SLC39A10: variants seen among roughly 807,000 people sequenced by gnomAD.
SLC39A10 encodes the protein zinc transporter ZIP10.
SLC39A10 carries 13 observed loss-of-function variants against 65.1 expected under a neutral mutation model. The ratio of observed to expected loss-of-function variants is 0.20; its 90% CI spans 0.13 to 0.32. The LOEUF (loss-of-function observed/expected upper bound fraction) is 0.32. Among genes scored for constraint, SLC39A10 ranks in the 10% least tolerant of loss-of-function variants. The pLI is 1.00. For missense variants in SLC39A10, 831 were observed against 1,018.4 expected (o/e 0.82, Z 2.50); for synonymous variants, 321 against 342.2 (o/e 0.94, Z 0.68).
At chr2:195,652,717 C>T (rs1416373577), upstream of SLC39A10, among the ~76,000 whole-genome samples, 1 of 152,040 alleles carries the variant, frequency 6.6e-6, no homozygotes, top group Non-Finnish European at 1.5e-5. Context: ...TCTCCTGGAT[C>T]AGGGAAGAGA....
At chr2:195,693,390 G>A (rs748829940) in intron 3 of SLC39A10, among the ~76,000 whole-genome samples, 29 of 152,158 alleles carry the variant, frequency 1.9e-4, no homozygotes, top group Non-Finnish European at 2.9e-4. Flanking sequence ...AATAGTGTCC[G>A]TAGGATTGGC....
At chr2:195,634,911 G>A (rs954443334) in intron 2 of SLC39A10, among the ~76,000 whole-genome samples, 4 of 152,102 alleles carry the variant, frequency 2.6e-5, no homozygotes, top group Non-Finnish European at 4.4e-5. Context: ...AGCCAGGCAT[G>A]ATGGTGGGTA....
chr2:195,706,719 T>C lies in SLC39A10; in HGVS notation c.1320T>C (p.Leu440=). Reference sequence around the variant, plus strand: ...ACCAAGGATGCTTCAAATTCCTTCTTACATTCCTTGTTGCATTAGCTGTAG... The same window carrying C: ...ACCAAGGATGCTTCAAATTCCTTCTCACATTCCTTGTTGCATTAGCTGTAG... ...IINQGCFKFL[L]TFLVALAVGT... The change falls in exon 4 of 10, where the codon CTT becomes CTC. Residue 440 remains leucine (L), a synonymous_variant. Transcript: ENST00000359634. 6.2e-7 allele frequency: 1 copy of C among 1,607,044 alleles called. No individual in the cohort carries two copies. Among genetic ancestry groups the C allele is most frequent in the Non-Finnish European group, 8.5e-7 (1 of 1,176,736 alleles).
intron 8 of SLC39A10, among the ~76,000 whole-genome samples, chr2:195,727,030 T>C (rs1438105398): frequency 6.6e-6 from 1 of 152,200 alleles, no homozygotes; most frequent in Non-Finnish European, 1.5e-5. Flanking sequence ...AATACTATTA[T>C]TATCTCTAGC....
At chr2:195,688,117 G>T (rs538980501) in intron 3 of SLC39A10, among the ~76,000 whole-genome samples, 1 of 152,092 alleles carries the variant, frequency 6.6e-6, no homozygotes, top group Non-Finnish European at 1.5e-5. Flanking sequence ...CAGACATTTG[G>T]CGCTTTTTTA....
intron 2 of SLC39A10, among the ~76,000 whole-genome samples, chr2:195,650,086 A>G (rs556727998): frequency 1.3e-5 from 2 of 152,260 alleles, no homozygotes; most frequent in South Asian, 4.1e-4. Flanking sequence ...ATGAAATGCT[A>G]ACTGTGTAAT....
intron 2 of SLC39A10, among the ~76,000 whole-genome samples, chr2:195,634,544 AGAAT>A (rs1374285040): frequency 6.6e-6 from 1 of 152,216 alleles, no homozygotes; most frequent in African/African-American, 2.4e-5. Flanking sequence ...CAGGGAGTTT[AGAAT>A]GTATCAAACT....
intron 2 of SLC39A10, among the ~76,000 whole-genome samples, chr2:195,626,010 C>T (rs1688465204): frequency 1.3e-5 from 2 of 152,218 alleles, no homozygotes; most frequent in South Asian, 4.1e-4. Flanking sequence ...TCTCGAACTC[C>T]TGGGCTTAAA....
intron 9 of SLC39A10, among the ~76,000 whole-genome samples, chr2:195,734,060 G>A (rs997267403): frequency 3.4e-5 from 5 of 148,724 alleles, no homozygotes; most frequent in African/African-American, 1.2e-4. Flanking sequence ...TCTCTTTGCT[G>A]TCATGAGCAG....
intron 8 of SLC39A10, among the ~76,000 whole-genome samples, chr2:195,727,466 T>C (rs772456595): frequency 6.6e-6 from 1 of 152,146 alleles, no homozygotes; most frequent in Non-Finnish European, 1.5e-5. Flanking sequence ...CACGGAAAAG[T>C]GGTAGGAAGA....
chr2:195,618,151 G>T (rs550190565), intron 2 of SLC39A10, among the ~76,000 whole-genome samples: 7 of 152,042 alleles, frequency 4.6e-5, no homozygotes, highest in African/African-American at 1.7e-4. Context: ...AGGGGTTTGA[G>T]ACCAGCCTGG....
Position 195,692,614 on chromosome 2 carries a change from C to T in SLC39A10, c.1216+8708C>T, listed in dbSNP as rs1352596328. ...TTTTATTTGTAGCTATTGTAAAGGG[C>T]GTTGAGTTCTTGATTTGATTCTCAG... On this transcript the variant is annotated intron_variant, in intron 3 of 9. Transcript: ENST00000359634. 3.9e-5 allele frequency among the ~76,000 whole-genome samples: 6 copies of T among 152,090 alleles called. No homozygotes were observed. The East Asian group carries it at 5.8e-4, about 15-fold the overall frequency.
rs184013548 is a variant in SLC39A10 at position 195,725,274 on chromosome 2, A to G, written c.2147-2885A>G. Among the ~76,000 whole-genome samples the G allele has an allele frequency of 2.1e-3, 322 of 152,246 alleles. 1 individual carries two copies. The highest frequency in any genetic ancestry group is 7.3e-3 in the African/African-American group (302 of 41,554). ...ACTCCATTAAGGAAAACAGTCATAA[A>G]ATACACTTCTTACAAATTAAAAACT... is the stretch of plus-strand genomic sequence containing the variant. On this transcript the variant is annotated intron_variant, in intron 8 of 9. Coordinates refer to ENST00000359634, the MANE Select transcript of SLC39A10 (RefSeq NM_020342.3).
At chr2:195,662,862 C>T (rs1367836181) in intron 1 of SLC39A10, among the ~76,000 whole-genome samples, 2 of 152,150 alleles carry the variant, frequency 1.3e-5, no homozygotes, top group Non-Finnish European at 2.9e-5. Context: ...CGGTAAAATA[C>T]TTTAGTAGAA....
intron 2 of SLC39A10, among the ~76,000 whole-genome samples, chr2:195,626,439 C>A (rs1300170274): frequency 1.3e-5 from 2 of 152,180 alleles, no homozygotes; most frequent in African/African-American, 4.8e-5. Context: ...TGACTATATA[C>A]TAGGGCTCCT....
intron 9 of SLC39A10, among the ~76,000 whole-genome samples, chr2:195,732,123 G>GC (rs1559054069): frequency 1.3e-5 from 2 of 152,174 alleles, no homozygotes; most frequent in African/African-American, 4.8e-5. Flanking sequence ...GTAGGTGTTG[G>GC]CCATATCCTG....
At chr2:195,622,761 A>G (rs983160144) in intron 2 of SLC39A10, among the ~76,000 whole-genome samples, 3 of 152,200 alleles carry the variant, frequency 2.0e-5, no homozygotes, top group Admixed American at 6.5e-5. Context: ...TCACAAGGTC[A>G]GGAGTTAAAG....
rs1349944390 is a variant in SLC39A10 at position 195,735,777 on chromosome 2, TTTTG to T, written c.*740_*743del. ...ACTTGGTGTTGGGGTGTTCTTTCTG[TTTTG>T]TTTTTTACTTTAATTTTGTTTTGAT... On this transcript the variant is annotated 3_prime_UTR_variant, in exon 10 of 10. Coordinates refer to ENST00000359634, the MANE Select transcript of SLC39A10 (RefSeq NM_020342.3). 2.6e-5 allele frequency: 4 copies of T among 151,494 alleles called. No homozygotes were observed. Among genetic ancestry groups the T allele is most frequent in the East Asian group, 1.9e-4 (1 of 5,174 alleles). The allele number at this position is 151,494 out of a possible 1,614,324, so 9.4% of individuals were successfully genotyped here. A position where few individuals can be genotyped will look rare whatever the true frequency, so the allele number is the denominator to read the frequency against.
chr2:195,703,139 C>A (rs949036146), intron 3 of SLC39A10, among the ~76,000 whole-genome samples: 2 of 152,164 alleles, frequency 1.3e-5, no homozygotes, highest in African/African-American at 4.8e-5. Flanking sequence ...CTTTGAAATA[C>A]CCCCTATCTC....
Sources: gnomAD v4.1 joint callset for allele counts (sites outside exome capture counted in the v4.1 genomes callset) on GRCh38, gnomAD v4.1.1 for gene constraint, MANE v1.5 for transcripts, NCBI Gene and HGNC (gene_info 2026-07-23, HGNC 2026-07-21) for gene names.